Variants in ICA1 observed in about 807,000 individuals in gnomAD.
ICA1 encodes 69 kDa islet cell autoantigen.
A neutral mutation model predicts 71.0 loss-of-function variants in ICA1; 40 were observed. That is an observed-to-expected ratio of 0.56 (90% CI 0.44 to 0.73). The LOEUF (loss-of-function observed/expected upper bound fraction) is 0.73. Ranked by LOEUF, ICA1 falls within the 30% of genes least tolerant of loss-of-function variation. The pLI is 0.00. For missense variants in ICA1, 578 were observed against 576.5 expected, an observed-to-expected ratio of 1.00 and a Z score of -0.03; for synonymous variants, 207 against 209.5, an observed-to-expected ratio of 0.99 and a Z score of 0.10.
At position 8,123,937 on chromosome 7, in the gene ICA1, C is replaced by T. The variant is rs1335103776; in HGVS notation, c.1330+3936G>A. ...GGCACATCACTTAACCACTGTTCCT[C>T]AGTTTCCCAGGCAATAAAACGGATA... On this transcript the variant is annotated intron_variant, in intron 13 of 13. Coordinates refer to ENST00000402384, the MANE Select transcript of ICA1 (RefSeq NM_001136020.3). The surrounding 1 kb of genome is among the most constrained non-coding windows in gnomAD (Gnocchi z 4.1). Among the ~76,000 whole-genome samples, 1 of 152,148 alleles carries T rather than the reference C, an allele frequency of 6.6e-6. No individual in the cohort carries two copies. Among genetic ancestry groups the T allele is most frequent in the Non-Finnish European group, 1.5e-5 (1 of 68,026 alleles).
Position 8,123,830 on chromosome 7 carries a change from G to C in ICA1, c.1330+4043C>G, listed in dbSNP as rs1312620688. ...AGACTGTACTGAGAGGCCAGAGAAG[G>C]GAATGGTGAAAGGCATGGATTCTGG... On this transcript the variant is annotated intron_variant, in intron 13 of 13. Transcript: ENST00000402384. The surrounding 1 kb of genome is among the most constrained non-coding windows in gnomAD (Gnocchi z 4.1). Among the ~76,000 whole-genome samples, 1 of 152,186 alleles carries C rather than the reference G, an allele frequency of 6.6e-6. No homozygotes were observed. Among genetic ancestry groups the C allele is most frequent in the Admixed American group, 6.5e-5 (1 of 15,280 alleles).
chr7:8,138,493 G>A (rs916074809), intron 12 of ICA1, among the ~76,000 whole-genome samples: 5 of 152,284 alleles, frequency 3.3e-5, no homozygotes, highest in Admixed American at 1.3e-4. Context: ...GTTTAAGTAT[G>A]AAGCAAATCA....
chr7:8,162,721 T>A (rs1456099638), intron 6 of ICA1, among the ~76,000 whole-genome samples: 2 of 152,210 alleles, frequency 1.3e-5, no homozygotes, highest in African/African-American at 4.8e-5. Context: ...GTTTTATTTC[T>A]GTTACCCCAT....
At chr7:8,161,759 C>G (rs1416231307) in intron 6 of ICA1, among the ~76,000 whole-genome samples, 1 of 152,204 alleles carries the variant, frequency 6.6e-6, no homozygotes, top group Non-Finnish European at 1.5e-5. Flanking sequence ...CAGAGACCCT[C>G]CCTGCCCACA....
intron 8 of ICA1, among the ~76,000 whole-genome samples, chr7:8,151,885 T>A (rs1392190255): frequency 6.6e-6 from 1 of 152,228 alleles, no homozygotes; most frequent in Non-Finnish European, 1.5e-5. Context: ...GGAGGAGACA[T>A]GGGTACATCT....
At chr7:8,256,759 T>TC (rs1810360587) in intron 1 of ICA1, among the ~76,000 whole-genome samples, 1 of 152,190 alleles carries the variant, frequency 6.6e-6, no homozygotes, top group Non-Finnish European at 1.5e-5. Context: ...ACCCTCAAGT[T>TC]CATCTTTGCC....
rs180713874 is a variant in ICA1, at chr7:8,118,906, C to T, written c.1331-4862G>A. On this transcript the variant is annotated intron_variant, in intron 13 of 13. Transcript: ENST00000402384. ...TGTGCTGGTTAGAAATTCAAGCTCA[C>T]GAGCCAATGCTGACCTACTGAATCA... Among the ~76,000 whole-genome samples the T allele has an allele frequency of 3.9e-5, 6 of 152,272 alleles. No homozygotes were observed. The South Asian group carries it at 6.2e-4, about 16-fold the overall frequency.
chr7:8,250,218 A>C (rs1807689647), intron 1 of ICA1, among the ~76,000 whole-genome samples: 1 of 152,254 alleles, frequency 6.6e-6, no homozygotes, highest in South Asian at 2.1e-4. Flanking sequence ...TTATGTCAAT[A>C]ATGATTTTTA....
chr7:8,174,010 T>C (rs956757933), intron 6 of ICA1, among the ~76,000 whole-genome samples: 1 of 152,158 alleles, frequency 6.6e-6, no homozygotes, highest in Admixed American at 6.5e-5. Flanking sequence ...AGTAGAGGAT[T>C]CTGTTTCATA....
intron 7 of ICA1, among the ~76,000 whole-genome samples, chr7:8,158,103 A>G (rs1016457366): frequency 6.6e-6 from 1 of 152,194 alleles, no homozygotes; most frequent in African/African-American, 2.4e-5. Context: ...AGAGGCTATC[A>G]GGGGAAACAA....
chr7:8,198,777 T>C (rs940785599), intron 6 of ICA1, among the ~76,000 whole-genome samples: 15 of 152,120 alleles, frequency 9.9e-5, no homozygotes, highest in African/African-American at 3.6e-4. Context: ...AAGGGAGCAG[T>C]TCTGCACAGC....
At chr7:8,141,911 C>A in intron 9 of ICA1, 94 bp from the exon 10 acceptor site, 2 of 1,302,784 alleles carry the variant, frequency 1.5e-6, no homozygotes, top group Non-Finnish European at 2.1e-6. Flanking sequence ...TCACTTTTAA[C>A]ACAAACACAT....
intron 6 of ICA1, among the ~76,000 whole-genome samples, chr7:8,168,518 C>T (rs1476730680): frequency 2.0e-5 from 3 of 152,120 alleles, no homozygotes; most frequent in African/African-American, 4.8e-5. Context: ...CCATTGACCA[C>T]GTGACTGACA....
At chr7:8,125,220 A>C (rs1788711743) in intron 13 of ICA1, among the ~76,000 whole-genome samples, 1 of 152,162 alleles carries the variant, frequency 6.6e-6, no homozygotes, top group East Asian at 1.9e-4. Flanking sequence ...GATGGCTCCC[A>C]ATTTTACTTG....
At chr7:8,259,232 TG>T (rs1811364764) in intron 1 of ICA1, among the ~76,000 whole-genome samples, 1 of 152,232 alleles carries the variant, frequency 6.6e-6, no homozygotes, top group Non-Finnish European at 1.5e-5. Flanking sequence ...TCACTGGGTC[TG>T]GAAGAGAGTA....
chr7:8,160,715 G>A (rs111240586), intron 6 of ICA1, among the ~76,000 whole-genome samples: 18 of 152,306 alleles, frequency 1.2e-4, no homozygotes, highest in African/African-American at 3.9e-4. Context: ...CTACAGATCT[G>A]GGAAGATCAA....
intron 3 of ICA1, among the ~76,000 whole-genome samples, chr7:8,230,069 T>A (rs1223992097): frequency 1.3e-5 from 2 of 152,228 alleles, no homozygotes; most frequent in Non-Finnish European, 2.9e-5. Flanking sequence ...TATACTAACA[T>A]AATCATGCCC....
At chr7:8,190,557 C>CT (rs145344683) in intron 6 of ICA1, among the ~76,000 whole-genome samples, 225 of 152,320 alleles carry the variant, frequency 1.5e-3, no homozygotes, top group African/African-American at 5.2e-3. Context: ...CTGCAGGATT[C>CT]TAACACCTCA....
Position 8,144,028 on chromosome 7 carries a change from A to G in ICA1, c.805-56T>C. 1 of 1,019,340 alleles carries G rather than the reference A, an allele frequency of 9.8e-7. No individual in the cohort carries two copies. The highest frequency in any genetic ancestry group is 1.5e-6 in the Non-Finnish European group (1 of 680,450). The allele number at this position is 1,019,340 out of a possible 1,614,324, so 63.1% of individuals were successfully genotyped here. ...GAAAAAAAAAGAAGAAGAAATAGAG[A>G]CAAAAAAAAGAAAAGAAAGGTTATC... On this transcript the variant is annotated intron_variant, in intron 8 of 13. Transcript: ENST00000402384. The surrounding 1 kb of genome is among the most constrained non-coding windows in gnomAD (Gnocchi z 4.5).
Sources: gnomAD v4.1 joint callset for allele counts (sites outside exome capture counted in the v4.1 genomes callset) on GRCh38, gnomAD v4.1.1 for gene constraint, Gnocchi (gnomAD v3.1) non-coding constraint, MANE v1.5 for transcripts, NCBI Gene and HGNC (gene_info 2026-07-23, HGNC 2026-07-21) for gene names.